ZNF845: variants seen among roughly 807,000 people sequenced by gnomAD.
ZNF845 encodes the protein zinc finger protein 845.
In ZNF845, 59 loss-of-function variants were observed where a neutral mutation model predicts 76.1. The ratio of observed to expected loss-of-function variants is 0.78; its 90% CI spans 0.63 to 0.96. The LOEUF is 0.96. Ranked by LOEUF, ZNF845 falls within the 40% of genes least tolerant of loss-of-function variation. The pLI is 0.00. For missense variants in ZNF845, 1,045 were observed against 1,172.8 expected (o/e 0.89, Z 1.59); for synonymous variants, 361 against 386.9 (o/e 0.93, Z 0.78).
Position 53,354,225 on chromosome 19 carries a change from C to T in ZNF845, c.*637C>T. 1 of 508,760 alleles carries T rather than the reference C, an allele frequency of 2.0e-6. No individual in the cohort carries two copies. Among genetic ancestry groups the T allele is most frequent in the South Asian group, 1.5e-5 (1 of 66,110 alleles). 31.5% of individuals were successfully genotyped at this position (508,760 alleles called of 1,614,324 possible). The stretch of plus-strand genomic sequence containing the variant: ...TCTGAGATCACCCCTTAAGGAACAT[C>T]AGAAAATTCATTTTTGAGATGATTG... On this transcript the variant is annotated 3_prime_UTR_variant, in exon 4 of 4. Transcript: ENST00000458035.
rs766974960 is a variant in ZNF845, at chr19:53,341,331, A to G, written c.15+9A>G. On this transcript the variant is annotated intron_variant, in intron 2 of 3. Coordinates refer to ENST00000458035, the MANE Select transcript of ZNF845 (RefSeq NM_138374.3). ...GGATGGCTCTTTCTCAGGTGAGATG[A>G]TATGTTGGGTGGATTGTTCTGTCTC... 1 of 1,613,618 alleles carries G rather than the reference A, an allele frequency of 6.2e-7. No homozygotes were observed. The highest frequency in any genetic ancestry group is 1.3e-5 in the African/African-American group (1 of 74,806).
rs756918352 is a variant in ZNF845 at position 53,352,750 on chromosome 19, A to G, written c.2075A>G (p.Lys692Arg). ...RRLHTGEKPY[K>R]CNECGKTFGR... ...CTTCATACTGGAGAGAAACCTTACA[A>G]GTGTAATGAGTGTGGCAAGACCTTC... is the stretch of plus-strand genomic sequence containing the variant. Residue 692 changes from lysine to arginine, a missense_variant, in exon 4 of 4, where the codon AAG becomes AGG. Physicochemically the swap from Lys to Arg is conservative, Grantham distance 26 (BLOSUM62 2). Transcript: ENST00000458035. 10 of 1,614,108 alleles carry G rather than the reference A, an allele frequency of 6.2e-6. No homozygotes were observed. The Admixed American group carries it at 1.7e-4, about 27-fold the overall frequency.
rs1170460508 is a variant in ZNF845, at chr19:53,341,299, G to A, written c.-9G>A. ...CCGGAAGAGGAAGAGGAAAGCAAAG[G>A]AGTCAGGGATGGCTCTTTCTCAGGT... On this transcript the variant is annotated 5_prime_UTR_variant, in exon 2 of 4. Transcript: ENST00000458035. 3 of 1,613,954 alleles carry A rather than the reference G, an allele frequency of 1.9e-6. No homozygotes were observed. Among genetic ancestry groups the A allele is most frequent in the Non-Finnish European group, 2.5e-6 (3 of 1,179,930 alleles).
chr19:53,350,681 C>G, intron 3 of ZNF845, 137 bp from the exon 4 acceptor site: 1 of 1,174,938 alleles, frequency 8.5e-7, no homozygotes, highest in East Asian at 2.5e-5. Context: ...GAATCTTACC[C>G]TTTTGCGTTC....
intron 3 of ZNF845, chr19:53,346,489 T>C (rs890752316): frequency 8.0e-6 from 2 of 250,084 alleles, no homozygotes; most frequent in African/African-American, 2.3e-5. Flanking sequence ...AAAACCAGCC[T>C]GGCTAGCGTG....
At chr19:53,349,252 T>C (rs1407878858) in intron 3 of ZNF845, among the ~76,000 whole-genome samples, 1 of 152,044 alleles carries the variant, frequency 6.6e-6, no homozygotes, top group African/African-American at 2.4e-5. Context: ...TCTTATATTG[T>C]ATGCTGCTGG....
rs2085328343 is a variant in ZNF845, at chr19:53,350,900, A to G, written c.225A>G (p.Gln75=). The G allele has an allele frequency of 6.2e-7, 1 of 1,614,116 alleles. No individual in the cohort carries two copies. Among genetic ancestry groups the G allele is most frequent in the African/African-American group, 1.3e-5 (1 of 74,948 alleles). The change falls in exon 4 of 4, where the codon CAA becomes CAG. Residue 75 remains glutamine (Q), a synonymous_variant. Transcript: ENST00000458035. ...AAGTGATCCACACAGGGACATTGCA[A>G]AGACATGAACGTCATCACATTGGAG... ...NTEVIHTGTL[Q]RHERHHIGDF... is the part of the protein sequence containing the mutation.
In ZNF845 at chr19:53,356,712, G is replaced by C. The variant is rs188061709; in HGVS notation, c.*3124G>C. The C allele has an allele frequency of 1.3e-5, 2 of 152,016 alleles. No homozygotes were observed. Among genetic ancestry groups the C allele is most frequent in the African/African-American group, 2.4e-5 (1 of 41,400 alleles). The allele number at this position is 152,016 out of a possible 1,614,324, so 9.4% of individuals were successfully genotyped here. ...TGGGAGGCTAAGGTGGGCGGATCAC[G>C]AGGTCAGGAGATCGAGACCATCCTG... On this transcript the variant is annotated 3_prime_UTR_variant, in exon 4 of 4. Transcript: ENST00000458035.
chr19:53,345,756 T>C (rs1568737575), intron 3 of ZNF845, 124 bp downstream of exon 3: 2 of 1,522,308 alleles, frequency 1.3e-6, no homozygotes, highest in South Asian at 1.3e-5. Context: ...GATCATGTCT[T>C]ACTGCAATCT....
At chr19:53,341,035 T>C (rs2085252750) in intron 1 of ZNF845, 200 bp from the exon 2 acceptor site, 2 of 558,444 alleles carry the variant, frequency 3.6e-6, no homozygotes, top group South Asian at 5.3e-5. Flanking sequence ...CACCCCCTCC[T>C]CTGGTCCATA....
chr19:53,345,877 GTTGTTT>G (rs2085292918), intron 3 of ZNF845, among the ~76,000 whole-genome samples: 1 of 145,528 alleles, frequency 6.9e-6, no homozygotes, highest in South Asian at 2.2e-4. Context: ...TTTTGTAGTT[GTTGTTT>G]TTGTTTTTGT....
intron 1 of ZNF845, among the ~76,000 whole-genome samples, chr19:53,336,858 G>T (rs2085218935): frequency 6.6e-6 from 1 of 152,078 alleles, no homozygotes; most frequent in Non-Finnish European, 1.5e-5. Context: ...TCAGATCGAG[G>T]TCTGCATGCT....
rs1433526016 is a variant in ZNF845 at position 53,352,628 on chromosome 19, A to G, written c.1953A>G (p.Gln651=). The change falls in exon 4 of 4, where the codon CAA becomes CAG. Residue 651 remains glutamine (Q), a synonymous_variant. Coordinates refer to ENST00000458035, the MANE Select transcript of ZNF845 (RefSeq NM_138374.3). ...CTTTCAGTTTCAAATCAAACCTTCA[A>G]AGACATAGGAGAATTCATACTGGAG... ...DEAFSFKSNL[Q]RHRRIHTGEK... The G allele has an allele frequency of 6.2e-7, 1 of 1,613,806 alleles. No homozygotes were observed. The highest frequency in any genetic ancestry group is 2.2e-5 in the East Asian group (1 of 44,838).
intron 3 of ZNF845, among the ~76,000 whole-genome samples, chr19:53,346,059 A>G (rs566567454): frequency 6.6e-6 from 1 of 152,018 alleles, no homozygotes; most frequent in African/African-American, 2.4e-5. Flanking sequence ...TAGGGTTTAT[A>G]TGAGTTTTCT....
At chr19:53,334,900 G>A (rs2085202795) in intron 1 of ZNF845, among the ~76,000 whole-genome samples, 1 of 152,106 alleles carries the variant, frequency 6.6e-6, no homozygotes, top group South Asian at 2.1e-4. Context: ...ACAGAGCAGA[G>A]CCTGTCTCAA....
At chr19:53,334,095 C>G (rs193143705) in intron 1 of ZNF845, among the ~76,000 whole-genome samples, 44 of 152,348 alleles carry the variant, frequency 2.9e-4, no homozygotes, top group Non-Finnish European at 8.8e-5. Flanking sequence ...GTCCTTACCG[C>G]GAGGCGGATT....
At chr19:53,342,276 G>A (rs1039217146) in intron 2 of ZNF845, among the ~76,000 whole-genome samples, 4 of 151,724 alleles carry the variant, frequency 2.6e-5, no homozygotes, top group African/African-American at 7.3e-5. Context: ...CACCACACCC[G>A]GATAATTTAG....
intron 1 of ZNF845, among the ~76,000 whole-genome samples, chr19:53,336,018 C>T (rs1298986470): frequency 3.3e-5 from 5 of 151,058 alleles, no homozygotes; most frequent in Admixed American, 1.3e-4. Context: ...TCAAGACCAG[C>T]GTGACCAACA....
rs774132496 is a variant in ZNF845, at chr19:53,353,554, GTCA to G, written c.2884_2886del (p.His962del). ...TTTAATCGAAAAGCAAAACTTGCAC[GTCA>G]TCATAGAATTCATACTGGAAAGAAA... is the stretch of plus-strand genomic sequence containing the variant. On this transcript the variant is annotated inframe_deletion, in exon 4 of 4. Coordinates refer to ENST00000458035, the MANE Select transcript of ZNF845 (RefSeq NM_138374.3). 4 of 1,607,410 alleles carry G rather than the reference GTCA, an allele frequency of 2.5e-6. No homozygotes were observed. Among genetic ancestry groups the G allele is most frequent in the Non-Finnish European group, 3.4e-6 (4 of 1,176,458 alleles).
Sources: allele counts gnomAD v4.1 joint callset (sites outside exome capture counted in the v4.1 genomes callset), GRCh38; gene constraint gnomAD v4.1.1; transcripts MANE v1.5; gene names NCBI Gene and HGNC (gene_info 2026-07-23, HGNC 2026-07-21).